GSAP: variants seen among roughly 807,000 people sequenced by gnomAD.
GSAP encodes gamma-secretase activating protein.
GSAP carries 118 observed loss-of-function variants against 131.7 expected under a neutral mutation model. That is an observed-to-expected ratio of 0.90 (90% CI 0.77 to 1.04). GSAP has a LOEUF of 1.04. Among genes scored for constraint, GSAP ranks in the 50% least tolerant of loss-of-function variants. The pLI is 0.00. For missense variants in GSAP, 1,019 were observed against 1,013.2 expected, an observed-to-expected ratio of 1.01 and a Z score of -0.08; for synonymous variants, 381 against 363.4, an observed-to-expected ratio of 1.05 and a Z score of -0.55.
At chr7:77,378,271 C>G (rs185925824) in intron 8 of GSAP, among the ~76,000 whole-genome samples, 2 of 152,214 alleles carry the variant, frequency 1.3e-5, no homozygotes, top group Non-Finnish European at 2.9e-5. Flanking sequence ...TACCTGAGGT[C>G]AGGAGTTCAA....
Position 77,355,274 on chromosome 7 carries a change from T to C in GSAP, c.1277A>G (p.Lys426Arg), listed in dbSNP as rs1389003729. The change falls in exon 16 of 31, where the codon AAG becomes AGG. Residue 426 changes from lysine to arginine, a missense_variant. Physicochemically the swap from Lys to Arg is conservative, Grantham distance 26. Transcript: ENST00000257626. ...GAGCGCGCAGTGCAACGCAGCCATC[T>C]TCTCACAGTCTAAGCAAGTGTTCTG... is the stretch of plus-strand genomic sequence containing the variant. ...LLQNTCLDCE[K>R]MAALHCALYC... 6.2e-7 allele frequency: 1 copy of C among 1,614,006 alleles called. No homozygotes were observed. The highest frequency in any genetic ancestry group is 2.2e-5 in the East Asian group (1 of 44,894).
intron 19 of GSAP, among the ~76,000 whole-genome samples, chr7:77,345,375 C>G (rs2150789287): frequency 6.6e-6 from 1 of 152,222 alleles, no homozygotes; most frequent in South Asian, 2.1e-4. Flanking sequence ...CCATATCACC[C>G]CCAAAAAATT....
intron 19 of GSAP, among the ~76,000 whole-genome samples, chr7:77,334,321 G>A (rs1355586063): frequency 6.6e-6 from 1 of 151,872 alleles, no homozygotes; most frequent in Non-Finnish European, 1.5e-5. Context: ...ACTAACAAAG[G>A]AAGAGAAAAC....
intron 19 of GSAP, among the ~76,000 whole-genome samples, chr7:77,342,853 G>T (rs969346506): frequency 6.6e-6 from 1 of 152,064 alleles, no homozygotes; most frequent in African/African-American, 2.4e-5. Context: ...CAACCAAATT[G>T]TTTTGCCTAT....
intron 7 of GSAP, among the ~76,000 whole-genome samples, chr7:77,381,659 C>T (rs1797831188): frequency 6.6e-6 from 1 of 152,110 alleles, no homozygotes; most frequent in African/African-American, 2.4e-5. Context: ...GTACTTGACT[C>T]CCCTATACCA....
intron 5 of GSAP, among the ~76,000 whole-genome samples, chr7:77,391,142 A>AAAAAAAAAAAAAG (rs1799458555): frequency 7.2e-6 from 1 of 139,430 alleles, no homozygotes; most frequent in Non-Finnish European, 1.5e-5. Context: ...AAAAAAAAAA[A>AAAAAAAAAAAAAG]AAAAAGAAAA....
chr7:77,351,075 A>C, intron 18 of GSAP: 1 of 943,218 alleles, frequency 1.1e-6, no homozygotes, highest in Non-Finnish European at 1.3e-6. Context: ...CCGAGATTTT[A>C]CTGATATAGA....
intron 21 of GSAP, 146 bp downstream of exon 21, chr7:77,329,187 A>G: frequency 4.1e-6 from 2 of 482,262 alleles, no homozygotes; most frequent in East Asian, 3.5e-5. Context: ...ATAGGGTCCA[A>G]GTGGCTGCAT....
At position 77,377,697 on chromosome 7, in the gene GSAP, T is replaced by C. The variant is rs111585847; in HGVS notation, c.577-307A>G. On this transcript the variant is annotated intron_variant, in intron 8 of 30. Transcript: ENST00000257626. The stretch of plus-strand genomic sequence containing the variant: ...TCCCACAAATCAATAGCTGCATTAA[T>C]AGAAGATTCGGAACTTACTGTTCTG... 2.4e-4 allele frequency among the ~76,000 whole-genome samples: 36 copies of C among 152,330 alleles called. 1 individual carries two copies. Among genetic ancestry groups the C allele is most frequent in the Middle Eastern group, 6.8e-3 (2 of 294 alleles).
intron 5 of GSAP, among the ~76,000 whole-genome samples, chr7:77,390,661 A>C (rs1346395357): frequency 1.3e-5 from 2 of 152,148 alleles, no homozygotes; most frequent in South Asian, 4.1e-4. Context: ...CTAAATGACG[A>C]GTTAATGGGT....
At chr7:77,379,970 T>G in intron 8 of GSAP, 1 of 837,536 alleles carries the variant, frequency 1.2e-6, no homozygotes, top group Non-Finnish European at 1.4e-6. Context: ...CAGAGAAATG[T>G]TAAAATCTTC....
chr7:77,324,826 CTT>C (rs150930764), intron 23 of GSAP, among the ~76,000 whole-genome samples: 56 of 97,280 alleles, frequency 5.8e-4, no homozygotes, highest in East Asian at 1.3e-3. Flanking sequence ...GTTTGCCATA[CTT>C]TTTTTTTTTT....
At chr7:77,401,964 C>G (rs1183290183) in intron 3 of GSAP, among the ~76,000 whole-genome samples, 1 of 152,130 alleles carries the variant, frequency 6.6e-6, no homozygotes, top group Non-Finnish European at 1.5e-5. Context: ...GGCATAGAAC[C>G]ATATGCACAC....
intron 3 of GSAP, among the ~76,000 whole-genome samples, chr7:77,399,711 G>T (rs142805657): frequency 2.0e-5 from 3 of 151,822 alleles, no homozygotes; most frequent in East Asian, 1.9e-4. Context: ...GGTGGGGGGG[G>T]GCGGGGCAAA....
intron 19 of GSAP, 53 bp from the exon 20 acceptor site, chr7:77,330,420 A>G: frequency 2.5e-6 from 4 of 1,594,964 alleles, no homozygotes; most frequent in Non-Finnish European, 1.7e-6. Flanking sequence ...AGTGGCCCAA[A>G]CCACCCAGTG....
intron 1 of GSAP, 28 bp from the exon 2 acceptor site, chr7:77,406,133 C>T: frequency 8.4e-7 from 1 of 1,187,898 alleles, no homozygotes; most frequent in Non-Finnish European, 1.1e-6. Context: ...GGTTAATACT[C>T]AGCAGAAGAT....
At chr7:77,377,158 A>C (rs1797017792) in intron 9 of GSAP, 128 bp downstream of exon 9, 2 of 1,077,520 alleles carry the variant, frequency 1.9e-6, no homozygotes, top group African/African-American at 3.3e-5. Flanking sequence ...TCAAGGCTGC[A>C]GTGAGCTATG....
intron 19 of GSAP, among the ~76,000 whole-genome samples, chr7:77,338,353 A>G (rs1428999953): frequency 6.6e-6 from 1 of 152,168 alleles, no homozygotes; most frequent in Non-Finnish European, 1.5e-5. Context: ...ATTTCCTGTT[A>G]GTGTTTTTAA....
rs1797066522 is a variant in GSAP, at chr7:77,377,287, T to G, written c.680A>C (p.Lys227Thr). ...GTGCCCGTGAACTAGTTTTTTTACC[T>G]TCAGGTCAATGTAATATAATCTCTG... ...SEQRLYYIDL[K>T]KSRSILKCIQ... is the part of the protein sequence containing the mutation. The change falls in exon 9 of 31, where the codon AAG becomes ACG. Residue 227 changes from lysine (K) to threonine (T), a missense_variant and splice_region_variant. Lys to Thr is a moderately conservative substitution (Grantham distance 78). Transcript: ENST00000257626. The G allele has an allele frequency of 6.9e-7, 1 of 1,450,222 alleles. No individual in the cohort carries two copies. Among genetic ancestry groups the G allele is most frequent in the Non-Finnish European group, 9.1e-7 (1 of 1,099,614 alleles). The allele number at this position is 1,450,222 out of a possible 1,614,324, so 89.8% of individuals were successfully genotyped here. A position where few individuals can be genotyped will look rare whatever the true frequency, so the allele number is the denominator to read the frequency against.
Sources: gnomAD v4.1 joint callset for allele counts (sites outside exome capture counted in the v4.1 genomes callset) on GRCh38, gnomAD v4.1.1 for gene constraint, MANE v1.5 for transcripts, NCBI Gene and HGNC (gene_info 2026-07-23, HGNC 2026-07-21) for gene names.